The following GRIK1 variants were observed in gnomAD, a reference collection of about 807,000 sequenced individuals.
GRIK1 encodes glutamate receptor ionotropic, kainate 1.
GRIK1 carries 69 observed loss-of-function variants against 105.7 expected under a neutral mutation model. The ratio of observed to expected loss-of-function variants is 0.65; its 90% CI spans 0.54 to 0.80. GRIK1 has a LOEUF of 0.80. GRIK1 is among the 30% of genes least tolerant of loss of function. GRIK1 has a pLI of 0.00. For missense variants in GRIK1, 1,109 were observed against 1,167.3 expected (o/e 0.95, Z 0.73); for synonymous variants, 438 against 431.3 (o/e 1.02, Z -0.19).
intron 1 of GRIK1, among the ~76,000 whole-genome samples, chr21:29,717,416 G>A (rs1176385637): frequency 6.6e-6 from 1 of 152,234 alleles, no homozygotes; most frequent in African/African-American, 2.4e-5. Flanking sequence ...AGCTGGGAGG[G>A]GGACTGTACC....
intron 4 of GRIK1, among the ~76,000 whole-genome samples, chr21:29,656,316 G>C (rs1213122856): frequency 4.0e-5 from 5 of 124,834 alleles, no homozygotes; most frequent in Non-Finnish European, 7.9e-5. Context: ...AGCCAAGATC[G>C]CGCCACTGCA....
chr21:29,853,618 T>C (rs951444738), intron 1 of GRIK1, among the ~76,000 whole-genome samples: 22 of 152,232 alleles, frequency 1.4e-4, no homozygotes, highest in African/African-American at 4.6e-4. Flanking sequence ...CCAACTATGC[T>C]TTCCTCTAGT....
chr21:29,648,145 A>G (rs956051416), intron 6 of GRIK1, among the ~76,000 whole-genome samples: 3 of 152,206 alleles, frequency 2.0e-5, no homozygotes, highest in African/African-American at 7.2e-5. Flanking sequence ...GGGAAATCAA[A>G]ACACATGCAT....
intron 1 of GRIK1, among the ~76,000 whole-genome samples, chr21:29,927,170 T>G (rs2071398038): frequency 6.6e-6 from 1 of 152,150 alleles, no homozygotes; most frequent in African/African-American, 2.4e-5. Context: ...ATAATAACTT[T>G]ATGTATGATT....
chr21:29,580,071 A>G (rs2090990240), intron 13 of GRIK1, among the ~76,000 whole-genome samples: 1 of 146,898 alleles, frequency 6.8e-6, no homozygotes, highest in South Asian at 2.1e-4. Flanking sequence ...ATATGTGTAT[A>G]TATATGTATA....
chr21:29,574,845 G>T (rs1472528946), intron 14 of GRIK1, among the ~76,000 whole-genome samples: 1 of 151,092 alleles, frequency 6.6e-6, no homozygotes, highest in Non-Finnish European at 1.5e-5. Flanking sequence ...CCGCCATCAC[G>T]CCCGGCTAAT....
chr21:29,706,511 A>T (rs2063911643), intron 1 of GRIK1, among the ~76,000 whole-genome samples: 1 of 152,236 alleles, frequency 6.6e-6, no homozygotes, highest in South Asian at 2.1e-4. Flanking sequence ...TCTCAGTTTC[A>T]TTCTAAGATC....
At chr21:29,807,357 G>C (rs433558) in intron 1 of GRIK1, among the ~76,000 whole-genome samples, 21,426 of 152,036 alleles carry the variant, frequency 0.14, 1,656 homozygotes, top group Non-Finnish European at 0.17. Flanking sequence ...TCTGATTCTT[G>C]TGTCCTTCTA....
chr21:29,791,891 A>T (rs1380096697), intron 1 of GRIK1, among the ~76,000 whole-genome samples: 1 of 152,232 alleles, frequency 6.6e-6, no homozygotes, highest in African/African-American at 2.4e-5. Context: ...TGTATTCATG[A>T]TACTATAAAT....
intron 1 of GRIK1, among the ~76,000 whole-genome samples, chr21:29,841,819 G>A (rs2067991614): frequency 6.6e-6 from 1 of 152,044 alleles, no homozygotes; most frequent in Non-Finnish European, 1.5e-5. Flanking sequence ...CCTCTTGGAA[G>A]CATTTTCCGG....
chr21:29,600,103 A>T (rs1225032203), intron 7 of GRIK1, among the ~76,000 whole-genome samples: 1 of 152,096 alleles, frequency 6.6e-6, no homozygotes, highest in Non-Finnish European at 1.5e-5. Context: ...ACAAAAACAA[A>T]AAAACTCCTT....
At position 29,700,120 on chromosome 21, in the gene GRIK1, G is replaced by A. The variant is rs187620505; in HGVS notation, c.119-6057C>T. ...ATCTTGGTTTAGACAGCAGAGTTCC[G>A]TCACCACAGGAGCATTTCTGTCTGT... On this transcript the variant is annotated intron_variant, in intron 1 of 17. Transcript: ENST00000327783. 2.7e-4 allele frequency among the ~76,000 whole-genome samples: 41 copies of A among 152,266 alleles called. 1 individual carries two copies. The highest frequency in any genetic ancestry group is 3.9e-4 in the Admixed American group (6 of 15,300).
At chr21:29,723,486 T>C (rs1012783896) in intron 1 of GRIK1, among the ~76,000 whole-genome samples, 1 of 152,174 alleles carries the variant, frequency 6.6e-6, no homozygotes, top group African/African-American at 2.4e-5. Flanking sequence ...ATGAGAGGAA[T>C]CACAGAACAT....
intron 1 of GRIK1, among the ~76,000 whole-genome samples, chr21:29,835,263 A>G (rs74664788): frequency 0.028 from 4,204 of 152,294 alleles, 75 homozygotes; most frequent in Non-Finnish European, 0.042. Context: ...ATCCCCTGGC[A>G]TTAATCTGCT....
At chr21:29,839,111 G>A (rs1031833870) in intron 1 of GRIK1, among the ~76,000 whole-genome samples, 2 of 152,044 alleles carry the variant, frequency 1.3e-5, no homozygotes, top group Non-Finnish European at 2.9e-5. Context: ...GTGCAGTGGT[G>A]CGATCTTGGC....
chr21:29,621,482 C>T (rs56977153), intron 7 of GRIK1, among the ~76,000 whole-genome samples: 2,190 of 152,234 alleles, frequency 0.014, 40 homozygotes, highest in African/African-American at 0.049. Context: ...GCAAATTATG[C>T]ATCTATATAG....
intron 1 of GRIK1, among the ~76,000 whole-genome samples, chr21:29,828,011 CTGTGTGTGTG>C (rs138594747): frequency 3.9e-5 from 3 of 76,380 alleles, no homozygotes; most frequent in African/African-American, 9.6e-5. Context: ...CTGTCTCTCT[CTGTGTGTGTG>C]TGTGTGTGTG....
chr21:29,548,235 A>G (rs561942703), intron 16 of GRIK1, among the ~76,000 whole-genome samples: 2 of 152,308 alleles, frequency 1.3e-5, no homozygotes, highest in South Asian at 4.1e-4. Context: ...GACAACAACA[A>G]AGTTCAAATT....
intron 1 of GRIK1, among the ~76,000 whole-genome samples, chr21:29,804,498 T>A (rs979041972): frequency 6.6e-6 from 1 of 152,182 alleles, no homozygotes; most frequent in African/African-American, 2.4e-5. Flanking sequence ...AAGTGCAATC[T>A]TATTTGAATA....
Sources: allele counts gnomAD v4.1 joint callset (sites outside exome capture counted in the v4.1 genomes callset), GRCh38; gene constraint gnomAD v4.1.1; transcripts MANE v1.5; gene names NCBI Gene and HGNC (gene_info 2026-07-23, HGNC 2026-07-21).